Variants in U2SURP observed in about 807,000 individuals in gnomAD.
The protein encoded by U2SURP is U2 snRNP-associated SURP motif-containing protein.
In U2SURP, 9 loss-of-function variants were observed where a neutral mutation model predicts 144.9. The observed-to-expected ratio is 0.06, with a 90% CI of 0.04 to 0.11. U2SURP has a LOEUF of 0.11. Among genes scored for constraint, U2SURP ranks in the 10% least tolerant of loss-of-function variants. U2SURP has a pLI of 1.00. For missense variants in U2SURP, 724 were observed against 1,226.7 expected (o/e 0.59, Z 6.12); for synonymous variants, 408 against 396.8 (o/e 1.03, Z -0.33).
chr3:143,021,285 G>A (rs1936618010), intron 8 of U2SURP, 65 bp from the exon 9 acceptor site: 4 of 1,517,350 alleles, frequency 2.6e-6, no homozygotes, highest in Non-Finnish European at 3.6e-6. Context: ...GGAAACAAAG[G>A]TGAGGGTAAG....
intron 1 of U2SURP, 35 bp downstream of exon 1, chr3:143,001,708 C>T (rs774315767): frequency 6.8e-6 from 11 of 1,612,576 alleles, no homozygotes; most frequent in Admixed American, 1.7e-5. Flanking sequence ...GTCAGCGGAT[C>T]TACCACTGTC....
chr3:143,027,017 T>A, intron 13 of U2SURP, 132 bp from the exon 14 acceptor site: 1 of 683,282 alleles, frequency 1.5e-6, no homozygotes, highest in South Asian at 1.9e-5. Context: ...TCCAGGTTAC[T>A]TTTTTGGTAT....
chr3:143,043,672 A>G (rs550879072), intron 24 of U2SURP, among the ~76,000 whole-genome samples: 1 of 151,980 alleles, frequency 6.6e-6, no homozygotes, highest in African/African-American at 2.4e-5. Context: ...TACATGACAC[A>G]TAGGAGATCC....
At chr3:143,026,158 A>G (rs1933133264) in intron 13 of U2SURP, 1 of 152,102 alleles carries the variant, frequency 6.6e-6, no homozygotes, top group South Asian at 2.1e-4. Flanking sequence ...TTTGCCCGAC[A>G]CCATAATCAA....
intron 16 of U2SURP, among the ~76,000 whole-genome samples, chr3:143,030,161 G>T (rs1266741269): frequency 6.6e-6 from 1 of 152,256 alleles, no homozygotes; most frequent in Non-Finnish European, 1.5e-5. Context: ...CATTGTCAGT[G>T]TAGACAAAGC....
chr3:143,040,129 T>G (rs960389090), intron 23 of U2SURP, among the ~76,000 whole-genome samples: 1 of 151,792 alleles, frequency 6.6e-6, no homozygotes, highest in African/African-American at 2.4e-5. Context: ...AATAATTATT[T>G]AATTTAGGGG....
At chr3:143,041,873 A>G (rs1343429377) in intron 23 of U2SURP, among the ~76,000 whole-genome samples, 2 of 152,020 alleles carry the variant, frequency 1.3e-5, no homozygotes, top group African/African-American at 4.8e-5. Flanking sequence ...CACAGTCAAC[A>G]TTGTTTGTAA....
chr3:143,043,741 T>C (rs1192014627), intron 24 of U2SURP, among the ~76,000 whole-genome samples: 1 of 151,202 alleles, frequency 6.6e-6, no homozygotes, highest in Non-Finnish European at 1.5e-5. Flanking sequence ...ATATATGTAA[T>C]ACATTATGTG....
chr3:143,001,785 C>A, intron 1 of U2SURP, 112 bp downstream of exon 1: 1 of 1,408,008 alleles, frequency 7.1e-7, no homozygotes, highest in Non-Finnish European at 9.8e-7. Flanking sequence ...ATTCTAGTCG[C>A]GACGGTAGGC....
intron 1 of U2SURP, among the ~76,000 whole-genome samples, chr3:143,004,857 A>T (rs1935754275): frequency 6.6e-6 from 1 of 152,090 alleles, no homozygotes; most frequent in Non-Finnish European, 1.5e-5. Context: ...CTAGTCTAAA[A>T]TATTGCTTGG....
chr3:143,007,495 G>A (rs532220832), intron 1 of U2SURP, among the ~76,000 whole-genome samples: 292 of 139,742 alleles, frequency 2.1e-3, no homozygotes, highest in African/African-American at 7.5e-3. Flanking sequence ...GCCCAGGCCT[G>A]CAGTAGTGCT....
chr3:143,017,102 T>G (rs1936409888), intron 6 of U2SURP, 127 bp downstream of exon 6: 2 of 824,338 alleles, frequency 2.4e-6, no homozygotes, highest in African/African-American at 3.6e-5. Context: ...TGTTAAGTTT[T>G]GATGCTTTCT....
At position 143,046,954 on chromosome 3, in the gene U2SURP, T is replaced by A. The variant is rs9706761; in HGVS notation, c.2544+3678T>A. 2.4e-4 allele frequency among the ~76,000 whole-genome samples: 22 copies of A among 91,530 alleles called. 3 individuals are homozygous for A. Among genetic ancestry groups the A allele is most frequent in the African/African-American group, 1.1e-3 (21 of 18,740 alleles). 60.0% of individuals were successfully genotyped at this position (91,530 alleles called of 152,430 possible). A position where few individuals can be genotyped will look rare whatever the true frequency, so the allele number is the denominator to read the frequency against. On this transcript the variant is annotated intron_variant, in intron 24 of 27. Transcript: ENST00000473835. ...CGGCTGGCCGGGCAGGGGGCTGACC[T>A]CCCCCACCTCCCTCCCGGACGGGGC...
chr3:143,049,923 A>G (rs932300074), intron 24 of U2SURP, among the ~76,000 whole-genome samples: 3 of 152,092 alleles, frequency 2.0e-5, no homozygotes, highest in African/African-American at 7.2e-5. Context: ...AGTATATTAC[A>G]TGTATTTGTT....
In U2SURP at chr3:143,021,368, G is replaced by A; in HGVS notation, c.752G>A (p.Arg251Lys). The A allele has an allele frequency of 6.2e-7, 1 of 1,601,410 alleles. No individual in the cohort carries two copies. Among genetic ancestry groups the A allele is most frequent in the Non-Finnish European group, 8.5e-7 (1 of 1,172,856 alleles). Residue 251 changes from arginine (R) to lysine (K), a missense_variant, in exon 9 of 28, where the codon AGA becomes AAA. Transcript: ENST00000473835. Reference protein sequence around the residue: ...QRRSMDAPSRRNRSSGVLDDY... With the variant: ...QRRSMDAPSRKNRSSGVLDDY... The stretch of plus-strand genomic sequence containing the variant: ...CTTTAAGTGGACGCGCCTTCAAGAA[G>A]AAATAGATCATCTGGTGGTAATACA...
At chr3:143,012,801 C>T (rs1274060282) in intron 3 of U2SURP, among the ~76,000 whole-genome samples, 1 of 152,138 alleles carries the variant, frequency 6.6e-6, no homozygotes, top group African/African-American at 2.4e-5. Context: ...AATACAGGAA[C>T]ACAGAGAAGG....
At chr3:143,053,589 C>A in intron 25 of U2SURP, 87 bp from the exon 26 acceptor site, 2 of 913,052 alleles carry the variant, frequency 2.2e-6, no homozygotes, top group Non-Finnish European at 3.1e-6. Flanking sequence ...AAAATTATTT[C>A]CTGTAAGAGA....
At chr3:143,041,106 A>C (rs140043332) in intron 23 of U2SURP, among the ~76,000 whole-genome samples, 79 of 152,038 alleles carry the variant, frequency 5.2e-4, no homozygotes, top group African/African-American at 1.9e-3. Context: ...AGAATTGGTT[A>C]AGTAATCAAT....
intron 17 of U2SURP, 47 bp downstream of exon 17, chr3:143,032,993 G>A: frequency 6.3e-7 from 1 of 1,583,126 alleles, no homozygotes; most frequent in Middle Eastern, 1.7e-4. Context: ...GACGTCTTTT[G>A]GGATTAGAAT....
Sources: allele counts gnomAD v4.1 joint callset (sites outside exome capture counted in the v4.1 genomes callset), GRCh38; gene constraint gnomAD v4.1.1; transcripts MANE v1.5; gene names NCBI Gene and HGNC (gene_info 2026-07-23, HGNC 2026-07-21).